SLC25A48: variants seen among roughly 807,000 people sequenced by gnomAD.
SLC25A48 encodes CTC-321K16.1.
SLC25A48 carries 29 observed loss-of-function variants against 32.2 expected under a neutral mutation model. The ratio of observed to expected loss-of-function variants is 0.90; its 90% confidence interval spans 0.67 to 1.23. The LOEUF (loss-of-function observed/expected upper bound fraction) is 1.23. Ranked by LOEUF, SLC25A48 falls within the 50% of genes most tolerant of loss-of-function variation. The pLI, the probability that SLC25A48 is intolerant of heterozygous loss-of-function variation, is 0.00. For missense variants in SLC25A48, 399 were observed against 422.7 expected, an observed-to-expected ratio of 0.94 and a Z score of 0.49; for synonymous variants, 164 against 172.3, an observed-to-expected ratio of 0.95 and a Z score of 0.38.
chr5:135,730,416 C>T (rs7448238), intron 3 of SLC25A48, among the ~76,000 whole-genome samples: 44,857 of 152,116 alleles, frequency 0.29, 6,742 homozygotes, highest in East Asian at 0.49. Flanking sequence ...CCTGCCGCCA[C>T]CCACTTAGGA....
intron 3 of SLC25A48, among the ~76,000 whole-genome samples, chr5:135,650,700 T>G (rs1164156843): frequency 6.6e-6 from 1 of 152,194 alleles, no homozygotes; most frequent in Non-Finnish European, 1.5e-5. Context: ...GGTTTGTTTT[T>G]TAACGGTGGT....
intron 3 of SLC25A48, among the ~76,000 whole-genome samples, chr5:135,643,969 CCA>C (rs1561771662): frequency 6.6e-6 from 1 of 152,142 alleles, no homozygotes; most frequent in Non-Finnish European, 1.5e-5. Context: ...GGTTTAAACT[CCA>C]GAGCCCACAC....
At chr5:135,693,582 C>G (rs939753551) in intron 3 of SLC25A48, among the ~76,000 whole-genome samples, 1 of 152,214 alleles carries the variant, frequency 6.6e-6, no homozygotes, top group African/African-American at 2.4e-5. Flanking sequence ...GCAGATATCA[C>G]TAATCCATTA....
chr5:135,668,419 G>C (rs548714882), intron 3 of SLC25A48, among the ~76,000 whole-genome samples: 199 of 152,310 alleles, frequency 1.3e-3, no homozygotes, highest in African/African-American at 4.7e-3. Context: ...CTTCTTGCAA[G>C]CATCAGTCTA....
At chr5:135,880,855 C>T (rs1191973404) in intron 7 of SLC25A48, among the ~76,000 whole-genome samples, 1 of 152,172 alleles carries the variant, frequency 6.6e-6, no homozygotes, top group Non-Finnish European at 1.5e-5. Context: ...AGCTCTTTGC[C>T]ATCCAGGCTG....
chr5:135,827,513 G>T (rs1758094382), intron 4 of SLC25A48: 1 of 152,224 alleles, frequency 6.6e-6, no homozygotes, highest in South Asian at 2.1e-4. Flanking sequence ...TATGATGGGA[G>T]TATGAAGAAA....
chr5:135,730,979 A>G (rs898025242), intron 3 of SLC25A48, among the ~76,000 whole-genome samples: 1 of 152,226 alleles, frequency 6.6e-6, no homozygotes, highest in African/African-American at 2.4e-5. Context: ...CCAGTATGCC[A>G]CAGGGCCTGC....
At chr5:135,662,947 C>G (rs1220992591) in intron 3 of SLC25A48, among the ~76,000 whole-genome samples, 1 of 152,142 alleles carries the variant, frequency 6.6e-6, no homozygotes, top group Admixed American at 6.5e-5. Context: ...TTCTCCACTG[C>G]CTTCGGAGCA....
Position 135,750,600 on chromosome 5 carries a change from G to T in SLC25A48, c.-520-61923G>T, listed in dbSNP as rs145434266. 2.0e-3 allele frequency among the ~76,000 whole-genome samples: 297 copies of T among 152,280 alleles called. 1 individual carries two copies. Among genetic ancestry groups the T allele is most frequent in the African/African-American group, 6.6e-3 (276 of 41,546 alleles). ...CAGACTCCACCTCTTGATGAGTGGG[G>T]TGGCATACCTATACAGGGATGGGGG... On this transcript the variant is annotated intron_variant, in intron 3 of 10. Transcript: ENST00000646290.
chr5:135,800,604 C>A (rs1192405951), intron 3 of SLC25A48, among the ~76,000 whole-genome samples: 1 of 151,726 alleles, frequency 6.6e-6, no homozygotes, highest in African/African-American at 2.4e-5. Flanking sequence ...GGCTGTACAC[C>A]CACCCTCCCG....
intron 3 of SLC25A48, among the ~76,000 whole-genome samples, chr5:135,689,882 G>T (rs1292480604): frequency 6.6e-6 from 1 of 152,194 alleles, no homozygotes; most frequent in African/African-American, 2.4e-5. Context: ...TCTATTCCAG[G>T]TTATTTTATA....
intron 3 of SLC25A48, among the ~76,000 whole-genome samples, chr5:135,721,359 G>C (rs990105789): frequency 1.3e-5 from 2 of 151,764 alleles, no homozygotes; most frequent in Admixed American, 6.6e-5. Context: ...CTGCCACCAT[G>C]CCTGGCTAAT....
intron 4 of SLC25A48, chr5:135,827,472 C>T (rs771949776): frequency 2.0e-5 from 3 of 152,172 alleles, no homozygotes; most frequent in South Asian, 2.1e-4. Flanking sequence ...CCTATGACTT[C>T]CCATTGGGTT....
At chr5:135,807,354 A>T (rs1488035195) in intron 3 of SLC25A48, among the ~76,000 whole-genome samples, 3 of 150,598 alleles carry the variant, frequency 2.0e-5, no homozygotes, top group African/African-American at 7.3e-5. Context: ...ATATCTTGTT[A>T]ATATCTTAGT....
At chr5:135,811,709 AT>A (rs1461180155) in intron 3 of SLC25A48, among the ~76,000 whole-genome samples, 1 of 152,242 alleles carries the variant, frequency 6.6e-6, no homozygotes, top group East Asian at 1.9e-4. Context: ...TTAAAAAAAA[AT>A]AAGTGCAGGA....
chr5:135,746,829 C>A (rs1325329078), intron 3 of SLC25A48, among the ~76,000 whole-genome samples: 1 of 152,154 alleles, frequency 6.6e-6, no homozygotes, highest in Non-Finnish European at 1.5e-5. Flanking sequence ...TCTCTTTGGT[C>A]TCCTTTAATT....
intron 1 of SLC25A48, among the ~76,000 whole-genome samples, chr5:135,608,252 G>A (rs371198144): frequency 1.7e-4 from 26 of 152,258 alleles, no homozygotes; most frequent in African/African-American, 6.0e-4. Flanking sequence ...TTGATTGGGA[G>A]GAGAAATCAT....
chr5:135,882,511 A>C (rs1762549568), intron 7 of SLC25A48, among the ~76,000 whole-genome samples: 1 of 152,122 alleles, frequency 6.6e-6, no homozygotes, highest in Non-Finnish European at 1.5e-5. Flanking sequence ...CTGAGTACAG[A>C]TGACAGGGAT....
intron 3 of SLC25A48, among the ~76,000 whole-genome samples, chr5:135,766,359 G>T (rs1034876155): frequency 2.0e-5 from 3 of 151,568 alleles, no homozygotes; most frequent in African/African-American, 2.4e-5. Flanking sequence ...TATCAAGGGG[G>T]GGGGAAGAAT....
Sources: gnomAD v4.1 joint callset for allele counts (sites outside exome capture counted in the v4.1 genomes callset) on GRCh38, gnomAD v4.1.1 for gene constraint, MANE v1.5 for transcripts, NCBI Gene and HGNC (gene_info 2026-07-23, HGNC 2026-07-21) for gene names.